DOCK11: variants seen among roughly 807,000 people sequenced by gnomAD.
DOCK11 encodes dedicator of cytokinesis 11.
DOCK11 carries 70 observed loss-of-function variants against 169.1 expected under a neutral mutation model. The observed-to-expected ratio is 0.41, with a 90% confidence interval of 0.34 to 0.51. The LOEUF (loss-of-function observed/expected upper bound fraction) is 0.51. Ranked by LOEUF, DOCK11 falls within the 20% of genes least tolerant of loss-of-function variation. The pLI, the probability that DOCK11 is intolerant of heterozygous loss-of-function variation, is 0.10. For missense variants in DOCK11, 1,166 were observed against 1,538.8 expected (o/e 0.76, Z 4.05); for synonymous variants, 529 against 541.3 (o/e 0.98, Z 0.32).
At chrX:118,660,662 G>C in intron 44 of DOCK11, among the ~76,000 whole-genome samples, 1 of 108,675 alleles carries the variant, frequency 9.2e-6, no homozygotes, top group Non-Finnish European at 1.9e-5. Flanking sequence ...AGTAGAGATG[G>C]GGTTTCACCC....
chrX:118,589,510 C>T (rs776983931), intron 18 of DOCK11, among the ~76,000 whole-genome samples: 3 of 111,714 alleles, frequency 2.7e-5, no homozygotes, highest in African/African-American at 9.7e-5. Flanking sequence ...GCAATTAGTA[C>T]GTTGGCATGC....
At chrX:118,607,570 C>T (rs1056664023) in intron 24 of DOCK11, among the ~76,000 whole-genome samples, 11 of 108,865 alleles carry the variant, frequency 1.0e-4, no homozygotes, top group East Asian at 5.7e-4. Context: ...TACAGGCCCC[C>T]GCCACCGCGC....
chrX:118,565,140 CGCTTT>C (rs2013041712), intron 7 of DOCK11, among the ~76,000 whole-genome samples: 1 of 109,859 alleles, frequency 9.1e-6, no homozygotes, highest in African/African-American at 3.3e-5. Context: ...GAGGTTTCAC[CGCTTT>C]GCTCAGGCTG....
At chrX:118,562,839 C>T (rs1481643461) in intron 7 of DOCK11, among the ~76,000 whole-genome samples, 2 of 112,669 alleles carry the variant, frequency 1.8e-5, no homozygotes, top group Non-Finnish European at 1.9e-5. Flanking sequence ...TTAAGCTCCA[C>T]CTCTCCTGTG....
chrX:118,570,075 T>C (rs181370862), intron 10 of DOCK11, among the ~76,000 whole-genome samples: 3 of 112,354 alleles, frequency 2.7e-5, no homozygotes, highest in African/African-American at 9.7e-5. Context: ...TTGAATGTAA[T>C]GTTGGTTATG....
intron 31 of DOCK11, among the ~76,000 whole-genome samples, chrX:118,621,125 G>A (rs1378454605): frequency 1.8e-5 from 2 of 112,716 alleles, no homozygotes; most frequent in Admixed American, 1.9e-4. Flanking sequence ...AGATTGAAAT[G>A]CCAAGCCTTA....
intron 30 of DOCK11, chrX:118,616,266 A>G: frequency 2.1e-6 from 2 of 941,034 alleles, no homozygotes; most frequent in Non-Finnish European, 2.7e-6. Flanking sequence ...TTCACTCTAA[A>G]TTAGCTTGCT....
At chrX:118,512,076 T>C (rs970664000) in intron 1 of DOCK11, among the ~76,000 whole-genome samples, 1 of 111,658 alleles carries the variant, frequency 9.0e-6, no homozygotes, top group Non-Finnish European at 1.9e-5. Flanking sequence ...GCCATGCGTG[T>C]ATTTTAGTAA....
chrX:118,606,309 T>C (rs2014501509), intron 24 of DOCK11, among the ~76,000 whole-genome samples: 1 of 111,454 alleles, frequency 9.0e-6, no homozygotes, highest in Non-Finnish European at 1.9e-5. Context: ...TCTCAGGCGA[T>C]CCATCCGCCT....
At chrX:118,684,449 A>G (rs1264981162) in intron 52 of DOCK11, among the ~76,000 whole-genome samples, 1 of 104,904 alleles carries the variant, frequency 9.5e-6, no homozygotes, top group African/African-American at 3.5e-5. Flanking sequence ...ATTTTTTTGT[A>G]TTTTTAGTAG....
At chrX:118,551,426 T>C (rs368313681) in intron 6 of DOCK11, among the ~76,000 whole-genome samples, 62 of 112,420 alleles carry the variant, frequency 5.5e-4, no homozygotes, top group African/African-American at 1.9e-3. Context: ...GTGCTGGGCA[T>C]AGTGGCTCAT....
chrX:118,619,701 G>A (rs2147476467), intron 31 of DOCK11, among the ~76,000 whole-genome samples: 1 of 109,521 alleles, frequency 9.1e-6, no homozygotes, highest in South Asian at 3.8e-4. Context: ...AAATGTTAAT[G>A]TGATGGTGTT....
rs757874564 is a variant in DOCK11 at position 118,578,506 on chromosome X, G to A, written c.1390-19G>A. 88 of 1,201,462 alleles carry A rather than the reference G, an allele frequency of 7.3e-5. No homozygotes were observed. Among genetic ancestry groups the A allele is most frequent in the African/African-American group, 1.6e-4 (9 of 56,923 alleles). On this transcript the variant is annotated intron_variant, in intron 12 of 52. Transcript: ENST00000276202. Reference sequence around the variant, plus strand: ...ACAAGATTACATAAGAAAGTCTAACGGAAGTACTTTTTTCCCAGGGAATTT... The same window carrying A: ...ACAAGATTACATAAGAAAGTCTAACAGAAGTACTTTTTTCCCAGGGAATTT...
In DOCK11 at chrX:118,662,779, T is replaced by C; in HGVS notation, c.5063T>C (p.Val1688Ala). The C allele has an allele frequency of 8.6e-7, 1 of 1,157,230 alleles. No homozygotes were observed. Among genetic ancestry groups the C allele is most frequent in the Non-Finnish European group, 1.2e-6 (1 of 848,622 alleles). The part of the protein sequence containing the change: ...AMKEDAGMMD[V>A]HYSEEVLLEL... ...AAAGAAGATGCTGGGATGATGGATG[T>C]CCATTATAGTGAAGTAAGGATTCCA... Residue 1688 changes from valine (V) to alanine (A), a missense_variant, in exon 45 of 53, where the codon GTC becomes GCC. Coordinates refer to ENST00000276202, the MANE Select transcript of DOCK11 (RefSeq NM_144658.4).
At chrX:118,509,629 C>T (rs941207405) in intron 1 of DOCK11, among the ~76,000 whole-genome samples, 2 of 112,479 alleles carry the variant, frequency 1.8e-5, no homozygotes, top group Admixed American at 1.9e-4. Context: ...CGCAGTCCAG[C>T]AAGTGGCCCT....
intron 6 of DOCK11, among the ~76,000 whole-genome samples, chrX:118,553,743 A>C (rs921351361): frequency 8.9e-6 from 1 of 112,084 alleles, no homozygotes; most frequent in Non-Finnish European, 1.9e-5. Flanking sequence ...CAAGGTCACT[A>C]TGTGTGTTAG....
chrX:118,648,740 T>G (rs1434828421), intron 40 of DOCK11, among the ~76,000 whole-genome samples: 2 of 107,100 alleles, frequency 1.9e-5, no homozygotes, highest in African/African-American at 6.8e-5. Context: ...ATAACTTATA[T>G]ACTGACTTAA....
chrX:118,644,808 G>A (rs751917659), intron 40 of DOCK11, among the ~76,000 whole-genome samples: 2 of 111,928 alleles, frequency 1.8e-5, no homozygotes, highest in African/African-American at 6.5e-5. Flanking sequence ...TCAGGCATCA[G>A]GTAGTCATGG....
chrX:118,538,119 G>A lies in DOCK11; in HGVS notation c.103-4606G>A, dbSNP rs778088568. 4.4e-5 allele frequency among the ~76,000 whole-genome samples: 5 copies of A among 112,430 alleles called. No homozygotes were observed. The East Asian group carries it at 1.1e-3, about 25-fold the overall frequency. ...TTCAATAAATGTTTTCAATGAAGAA[G>A]ATATTTGATTTGAAGAAAAATATGA... is the stretch of plus-strand genomic sequence containing the variant. On this transcript the variant is annotated intron_variant, in intron 1 of 52. Transcript: ENST00000276202.
Sources: allele counts gnomAD v4.1 joint callset (sites outside exome capture counted in the v4.1 genomes callset), GRCh38; gene constraint gnomAD v4.1.1; transcripts MANE v1.5; gene names NCBI Gene and HGNC (gene_info 2026-07-23, HGNC 2026-07-21).